Variants in STK31 observed in about 807,000 individuals in gnomAD.
The protein encoded by STK31 is serine/threonine kinase 31.
STK31 carries 89 observed loss-of-function variants against 129.7 expected under a neutral mutation model. The ratio of observed to expected loss-of-function variants is 0.69; its 90% confidence interval spans 0.58 to 0.82. The LOEUF (loss-of-function observed/expected upper bound fraction) is 0.82, where lower values mean the gene tolerates loss of function less well. Among genes scored for constraint, STK31 ranks in the 40% least tolerant of loss-of-function variants. The pLI, the probability that STK31 is intolerant of heterozygous loss-of-function variation, is 0.00. For synonymous variants in STK31, 448 were observed against 395.3 expected (o/e 1.13, Z -1.58); for missense variants, 1,187 against 1,176.4 (o/e 1.01, Z -0.13).
chr7:23,824,407 A>G (rs1198563011), intron 23 of STK31, among the ~76,000 whole-genome samples: 7 of 152,032 alleles, frequency 4.6e-5, no homozygotes, highest in Non-Finnish European at 7.4e-5. Flanking sequence ...TTTGTTTGTT[A>G]TTGGTGTATA....
intron 22 of STK31, among the ~76,000 whole-genome samples, chr7:23,791,926 C>CA (rs1791646623): frequency 6.6e-6 from 1 of 152,194 alleles, no homozygotes; most frequent in South Asian, 2.1e-4. Context: ...GTAAACAAAT[C>CA]AGTGTGGCTC....
At chr7:23,824,531 A>T (rs530097391) in intron 23 of STK31, among the ~76,000 whole-genome samples, 1 of 152,182 alleles carries the variant, frequency 6.6e-6, no homozygotes, top group Non-Finnish European at 1.5e-5. Context: ...ATATACAATC[A>T]TGTCATCTGC....
At chr7:23,826,732 G>A (rs1342485074) in intron 23 of STK31, among the ~76,000 whole-genome samples, 1 of 152,106 alleles carries the variant, frequency 6.6e-6, no homozygotes, top group Non-Finnish European at 1.5e-5. Flanking sequence ...TGCAGTGGCT[G>A]GTACCTGTTG....
intron 10 of STK31, among the ~76,000 whole-genome samples, chr7:23,762,016 C>G (rs1198940007): frequency 2.0e-5 from 3 of 151,130 alleles, no homozygotes; most frequent in Non-Finnish European, 4.4e-5. Flanking sequence ...GAAAAAATAT[C>G]CTAAAATTCA....
intron 22 of STK31, chr7:23,811,643 A>G (rs1248078268): frequency 1.2e-5 from 2 of 160,922 alleles, no homozygotes; most frequent in South Asian, 1.8e-4. Context: ...GGCTGGAGGT[A>G]GATGATAGCA....
intron 22 of STK31, chr7:23,811,334 T>C (rs1793120055): frequency 7.3e-6 from 3 of 413,772 alleles, no homozygotes; most frequent in African/African-American, 4.2e-5. Flanking sequence ...TTTTACTCTT[T>C]CTGGTCTTCA....
chr7:23,776,451 G>A (rs7811322), intron 15 of STK31, among the ~76,000 whole-genome samples: 1 of 151,714 alleles, frequency 6.6e-6, no homozygotes, highest in African/African-American at 2.4e-5. Context: ...CTGTGTATCT[G>A]TCTGGTCCTG....
chr7:23,733,911 A>T (rs1787575028), intron 6 of STK31, among the ~76,000 whole-genome samples: 1 of 152,172 alleles, frequency 6.6e-6, no homozygotes, highest in South Asian at 2.1e-4. Flanking sequence ...AAGTCCAAAG[A>T]TTTCACCTGA....
chr7:23,741,082 A>G (rs1422967423), intron 8 of STK31, among the ~76,000 whole-genome samples: 1 of 152,134 alleles, frequency 6.6e-6, no homozygotes, highest in Non-Finnish European at 1.5e-5. Context: ...CACTGCAGCC[A>G]TTATTCTTTT....
intron 5 of STK31, among the ~76,000 whole-genome samples, chr7:23,728,030 C>T (rs1020829615): frequency 3.2e-5 from 4 of 124,002 alleles, no homozygotes; most frequent in Non-Finnish European, 6.6e-5. Flanking sequence ...TTGCCACTTT[C>T]TTATGCCTGG....
rs769686666 is a variant in STK31 at position 23,785,460 on chromosome 7, A to G, written c.2149-18A>G. 5 of 1,610,128 alleles carry G rather than the reference A, an allele frequency of 3.1e-6. No individual in the cohort carries two copies. The highest frequency in any genetic ancestry group is 3.3e-5 in the Admixed American group (2 of 59,850). On this transcript the variant is annotated intron_variant, in intron 17 of 23. Coordinates refer to ENST00000355870, the MANE Select transcript of STK31 (RefSeq NM_031414.5). ...GGATTGTTTGGATTCTTTAACTGTGATAAAAACTTGTGCCTAGAACTCTGG... is the reference window on the plus strand; with the variant it reads ...GGATTGTTTGGATTCTTTAACTGTGGTAAAAACTTGTGCCTAGAACTCTGG...
chr7:23,758,449 T>G (rs765096513), intron 10 of STK31, among the ~76,000 whole-genome samples: 25 of 151,946 alleles, frequency 1.6e-4, no homozygotes, highest in Admixed American at 3.3e-4. Flanking sequence ...AGTGTTTTTT[T>G]TGTGTGTGTG....
At position 23,754,325 on chromosome 7, in the gene STK31, A is replaced by G. The variant is rs1000640604; in HGVS notation, c.1144A>G (p.Ile382Val). ...TGTTTTTAAAAATAGGCATGTCGAC[A>G]TCAGTGTCCGTTTCGGAAAAGACCT... Reference protein sequence around the residue: ...EILKEMRHVDISVRFGKDLSD... With the variant: ...EILKEMRHVDVSVRFGKDLSD... The change falls in exon 10 of 24, where the codon ATC (isoleucine) becomes GTC (valine). Residue 382 changes from isoleucine (I) to valine (V), a missense_variant. Physicochemically the swap from Ile to Val is conservative, Grantham distance 29. Around this residue, in one of 5 missense-constraint regions of STK31, gnomAD observed 975 missense variants for 934.9 expected, o/e 1.04. Coordinates refer to ENST00000355870, the MANE Select transcript of STK31 (RefSeq NM_031414.5). 6.2e-7 allele frequency: 1 copy of G among 1,608,992 alleles called. No homozygotes were observed. Among genetic ancestry groups the G allele is most frequent in the Non-Finnish European group, 8.5e-7 (1 of 1,178,976 alleles).
chr7:23,755,130 T>C (rs1788985508), intron 10 of STK31: 1 of 152,216 alleles, frequency 6.6e-6, no homozygotes, highest in South Asian at 2.1e-4. Context: ...TGTGAAAGTG[T>C]TCCTGTTTCT....
At chr7:23,757,472 CAT>C (rs1019419223) in intron 10 of STK31, among the ~76,000 whole-genome samples, 5 of 152,070 alleles carry the variant, frequency 3.3e-5, no homozygotes, top group African/African-American at 7.2e-5. Context: ...AGCAGGAAAA[CAT>C]GTGAACAAAT....
chr7:23,727,531 G>T (rs1357955415), intron 5 of STK31: 5 of 342,504 alleles, frequency 1.5e-5, no homozygotes, highest in South Asian at 4.7e-5. Flanking sequence ...GTTATTTTTG[G>T]TGACTAGTTA....
At chr7:23,713,685 T>C (rs1056721342) in intron 3 of STK31, among the ~76,000 whole-genome samples, 2 of 152,144 alleles carry the variant, frequency 1.3e-5, no homozygotes, top group Non-Finnish European at 2.9e-5. Context: ...TCAATATCAC[T>C]GTCTTTCACT....
At chr7:23,741,691 G>T (rs1323685266) in intron 8 of STK31, among the ~76,000 whole-genome samples, 1 of 152,166 alleles carries the variant, frequency 6.6e-6, no homozygotes, top group African/African-American at 2.4e-5. Context: ...ACTCTCATAA[G>T]GGTGCCATCT....
intron 22 of STK31, among the ~76,000 whole-genome samples, chr7:23,804,109 G>T (rs967003333): frequency 6.6e-6 from 1 of 151,808 alleles, no homozygotes; most frequent in African/African-American, 2.4e-5. Flanking sequence ...TAAGAGATGG[G>T]GTCTCACTAT....
Sources: gnomAD v4.1 joint callset for allele counts (sites outside exome capture counted in the v4.1 genomes callset) on GRCh38, gnomAD v4.1.1 for gene constraint, gnomAD v4.1.1 regional missense constraint, MANE v1.5 for transcripts, NCBI Gene and HGNC (gene_info 2026-07-23, HGNC 2026-07-21) for gene names.